The following ERI3 variants were observed in gnomAD, a reference collection of about 807,000 sequenced individuals.
ERI3 encodes the protein ERI1 exoribonuclease family member 3, also known as ERI1 exoribonuclease 3.
In ERI3, 18 loss-of-function variants were observed where a neutral mutation model predicts 44.4. The ratio of observed to expected loss-of-function variants is 0.41; its 90% CI spans 0.28 to 0.60. The LOEUF (loss-of-function observed/expected upper bound fraction) is 0.60. Among genes scored for constraint, ERI3 ranks in the 20% least tolerant of loss-of-function variants. The pLI is 0.36. For missense variants in ERI3, 294 were observed against 435.5 expected, an observed-to-expected ratio of 0.68 and a Z score of 2.89; for synonymous variants, 183 against 164.8, an observed-to-expected ratio of 1.11 and a Z score of -0.84.
chr1:44,226,778 A>AACACACACACACACACACACACAC (rs60011057), intron 8 of ERI3, among the ~76,000 whole-genome samples: 2 of 143,372 alleles, frequency 1.4e-5, no homozygotes, highest in Non-Finnish European at 1.5e-5. Flanking sequence ...AGCATTATTA[A>AACACACACACACACACACACACAC]ACACACACAC....
intron 6 of ERI3, 125 bp from the exon 7 acceptor site, chr1:44,285,032 T>C (rs1157577135): frequency 7.9e-6 from 6 of 754,898 alleles, no homozygotes; most frequent in East Asian, 2.7e-5. Flanking sequence ...CCATTAGCCA[T>C]GGGTCCCACC....
At chr1:44,242,457 C>T (rs1252217969) in intron 8 of ERI3, among the ~76,000 whole-genome samples, 1 of 152,254 alleles carries the variant, frequency 6.6e-6, no homozygotes, top group Non-Finnish European at 1.5e-5. Context: ...AAACCCTCAG[C>T]CAAGGTCCTC....
intron 7 of ERI3, among the ~76,000 whole-genome samples, chr1:44,283,326 T>A (rs1014930218): frequency 6.6e-6 from 1 of 152,222 alleles, no homozygotes; most frequent in Non-Finnish European, 1.5e-5. Flanking sequence ...CCAGACTTCA[T>A]CTCTGTGATC....
At chr1:44,336,167 C>G (rs182641558) in intron 3 of ERI3, among the ~76,000 whole-genome samples, 2 of 152,116 alleles carry the variant, frequency 1.3e-5, no homozygotes, top group African/African-American at 4.8e-5. Flanking sequence ...CCTTGTTGAC[C>G]AGAAGACCTA....
chr1:44,344,276 TAAA>T (rs914132985), intron 2 of ERI3, among the ~76,000 whole-genome samples: 1 of 149,232 alleles, frequency 6.7e-6, no homozygotes, highest in African/African-American at 2.4e-5. Flanking sequence ...AATAAATAAA[TAAA>T]ATTGTTTTTT....
intron 7 of ERI3, among the ~76,000 whole-genome samples, chr1:44,269,537 T>G (rs1236567766): frequency 2.0e-5 from 3 of 152,196 alleles, no homozygotes; most frequent in Non-Finnish European, 2.9e-5. Context: ...ATTGGGTGAA[T>G]GCACTTCTTT....
At chr1:44,237,777 T>C (rs995306843) in intron 8 of ERI3, among the ~76,000 whole-genome samples, 2 of 152,202 alleles carry the variant, frequency 1.3e-5, no homozygotes, top group Non-Finnish European at 2.9e-5. Flanking sequence ...TCCATACGTC[T>C]CCAGGCTCCC....
intron 7 of ERI3, among the ~76,000 whole-genome samples, chr1:44,279,467 C>T (rs1274814571): frequency 6.6e-6 from 1 of 152,096 alleles, no homozygotes; most frequent in Non-Finnish European, 1.5e-5. Context: ...CTCAAGTGAT[C>T]CTCCCACCTC....
At chr1:44,292,678 T>C (rs1645532610) in intron 6 of ERI3, among the ~76,000 whole-genome samples, 1 of 152,212 alleles carries the variant, frequency 6.6e-6, no homozygotes, top group Non-Finnish European at 1.5e-5. Context: ...CATTCTCCTC[T>C]GCCTGCCCAC....
Position 44,319,710 on chromosome 1 carries a change from C to A in ERI3, c.524G>T (p.Gly175Val). Residue 175 changes from glycine (G) to valine (V), a missense_variant, in exon 4 of 9, where the codon GGC becomes GTC. Physicochemically the swap from Gly to Val is moderately radical, Grantham distance 109. Around this residue, in one of 2 missense-constraint regions of ERI3, gnomAD observed 187 missense variants for 338.6 expected, o/e 0.55. Coordinates refer to ENST00000372257, the MANE Select transcript of ERI3 (RefSeq NM_024066.3). The stretch of plus-strand genomic sequence containing the variant: ...GGTAGACTCAATCTCCATGGTCCGG[C>A]CATTTAGCTTTAGGATGGGGAACTC... The part of the protein sequence containing the change: ...IIEFPILKLN[G>V]RTMEIESTFH... 1 of 1,614,100 alleles carries A rather than the reference C, an allele frequency of 6.2e-7. No homozygotes were observed. The highest frequency in any genetic ancestry group is 8.5e-7 in the Non-Finnish European group (1 of 1,179,976).
chr1:44,301,470 T>G (rs534028730), intron 6 of ERI3, among the ~76,000 whole-genome samples: 3 of 152,310 alleles, frequency 2.0e-5, no homozygotes, highest in African/African-American at 7.2e-5. Flanking sequence ...CCCTCATTCC[T>G]TACCTCAGAG....
intron 6 of ERI3, among the ~76,000 whole-genome samples, chr1:44,305,418 C>T (rs759385844): frequency 6.6e-6 from 1 of 152,010 alleles, no homozygotes; most frequent in Non-Finnish European, 1.5e-5. Context: ...CCAAGCAAGG[C>T]GAAGAAAAAG....
At chr1:44,331,674 A>T (rs1161804795) in intron 3 of ERI3, among the ~76,000 whole-genome samples, 1 of 152,168 alleles carries the variant, frequency 6.6e-6, no homozygotes, top group Non-Finnish European at 1.5e-5. Context: ...CAAAGTCTTT[A>T]TTCTCCTTTT....
chr1:44,233,466 C>T (rs919533114), intron 8 of ERI3, among the ~76,000 whole-genome samples: 2 of 149,908 alleles, frequency 1.3e-5, no homozygotes, highest in Admixed American at 6.7e-5. Context: ...TGCAATGGTA[C>T]GGTCTCGGCT....
chr1:44,346,087 A>C (rs1646777700), intron 2 of ERI3, among the ~76,000 whole-genome samples: 1 of 152,228 alleles, frequency 6.6e-6, no homozygotes, highest in African/African-American at 2.4e-5. Context: ...CCCAATGCGG[A>C]AAGGAAGCAG....
intron 6 of ERI3, among the ~76,000 whole-genome samples, chr1:44,299,187 A>AT (rs112066823): frequency 6.6e-4 from 98 of 147,694 alleles, no homozygotes; most frequent in Middle Eastern, 3.5e-3. Context: ...TCATACCTCA[A>AT]TTTTTTTTTT....
At chr1:44,255,447 T>C (rs747105600) in intron 7 of ERI3, among the ~76,000 whole-genome samples, 1 of 152,232 alleles carries the variant, frequency 6.6e-6, no homozygotes, top group Non-Finnish European at 1.5e-5. Context: ...CATTTGGTCA[T>C]CGTATCTGTG....
At chr1:44,289,874 A>C (rs1645469390) in intron 6 of ERI3, among the ~76,000 whole-genome samples, 1 of 152,254 alleles carries the variant, frequency 6.6e-6, no homozygotes, top group African/African-American at 2.4e-5. Flanking sequence ...TGAGGCAAGG[A>C]AAGCTGCACA....
intron 7 of ERI3, among the ~76,000 whole-genome samples, chr1:44,257,139 T>C (rs1644797600): frequency 6.6e-6 from 1 of 152,182 alleles, no homozygotes; most frequent in African/African-American, 2.4e-5. Flanking sequence ...AATAAGTGTA[T>C]TTCAATTACA....
Sources: gnomAD v4.1 joint callset for allele counts (sites outside exome capture counted in the v4.1 genomes callset) on GRCh38, gnomAD v4.1.1 for gene constraint, gnomAD v4.1.1 regional missense constraint, MANE v1.5 for transcripts, NCBI Gene and HGNC (gene_info 2026-07-23, HGNC 2026-07-21) for gene names.